The following FAM171A1 variants were observed in gnomAD, a reference collection of about 807,000 sequenced individuals.
FAM171A1 encodes family with sequence similarity 171 member A1.
A neutral mutation model predicts 74.9 loss-of-function variants in FAM171A1; 23 were observed. The ratio of observed to expected loss-of-function variants is 0.31; its 90% CI spans 0.22 to 0.44. FAM171A1 has a LOEUF of 0.44. Ranked by LOEUF, FAM171A1 falls within the 20% of genes least tolerant of loss-of-function variation. The probability of loss-of-function intolerance (pLI) is 1.00; values close to 1 mark genes in which losing one functional copy is unlikely to be tolerated. For missense variants in FAM171A1, 1,162 were observed against 1,159.2 expected (o/e 1.00, Z -0.03); for synonymous variants, 527 against 505.7 (o/e 1.04, Z -0.57).
chr10:15,312,893 CA>C (rs1431162276), intron 1 of FAM171A1, among the ~76,000 whole-genome samples: 1 of 151,656 alleles, frequency 6.6e-6, no homozygotes, highest in Non-Finnish European at 1.5e-5. Context: ...ATGGGTTTCA[CA>C]ATGTTGGCCT....
At position 15,229,690 on chromosome 10, in the gene FAM171A1, C is replaced by A. The variant is rs981349807; in HGVS notation, c.755-8630G>T. The stretch of plus-strand genomic sequence containing the variant: ...ACCCCCATCACCATCATCACCATCA[C>A]CACCATCACCATCATCATCATCACC... On this transcript the variant is annotated intron_variant, in intron 5 of 7. Transcript: ENST00000378116. Among the ~76,000 whole-genome samples the A allele has an allele frequency of 2.4e-5, 3 of 127,100 alleles. 1 individual carries two copies. Among genetic ancestry groups the A allele is most frequent in the Admixed American group, 7.9e-5 (1 of 12,606 alleles). The allele number at this position is 127,100 out of a possible 152,430, so 83.4% of individuals were successfully genotyped here.
intron 7 of FAM171A1, 34 bp from the exon 8 acceptor site, chr10:15,214,635 T>G: frequency 6.6e-7 from 1 of 1,514,608 alleles, no homozygotes; most frequent in East Asian, 2.3e-5. Flanking sequence ...AGCCAAAGAT[T>G]AGTGATTCTC....
intron 1 of FAM171A1, among the ~76,000 whole-genome samples, chr10:15,293,025 C>T (rs552540100): frequency 7.0e-4 from 107 of 152,232 alleles, no homozygotes; most frequent in East Asian, 2.5e-3. Context: ...GCTTTTTATG[C>T]GTGACATTGA....
At chr10:15,332,096 G>A (rs915023399) in intron 1 of FAM171A1, among the ~76,000 whole-genome samples, 3 of 151,406 alleles carry the variant, frequency 2.0e-5, no homozygotes, top group Non-Finnish European at 2.9e-5. Flanking sequence ...GGGATTACAG[G>A]TGGGCACCAC....
At chr10:15,291,362 T>C (rs1835100162) in intron 1 of FAM171A1, among the ~76,000 whole-genome samples, 2 of 152,192 alleles carry the variant, frequency 1.3e-5, no homozygotes, top group African/African-American at 4.8e-5. Context: ...CATGTGAGCA[T>C]ATACACTTGT....
At chr10:15,331,039 G>A (rs928544728) in intron 1 of FAM171A1, among the ~76,000 whole-genome samples, 5 of 152,130 alleles carry the variant, frequency 3.3e-5, no homozygotes, top group Middle Eastern at 3.4e-3. Context: ...ACAGGCGCAC[G>A]CCACCACGCC....
At chr10:15,226,078 G>A (rs1265284479) in intron 5 of FAM171A1, among the ~76,000 whole-genome samples, 1 of 152,186 alleles carries the variant, frequency 6.6e-6, no homozygotes, top group Non-Finnish European at 1.5e-5. Context: ...CAGCTGAGGT[G>A]GCCGCTGGGA....
At chr10:15,372,661 T>C (rs2131900954), upstream of FAM171A1, among the ~76,000 whole-genome samples, 1 of 129,792 alleles carries the variant, frequency 7.7e-6, no homozygotes, top group African/African-American at 2.9e-5. Context: ...ATCGTGCCAC[T>C]GCACTCCAGC....
In FAM171A1 at chr10:15,330,430, G is replaced by C. The variant is rs531586358; in HGVS notation, c.97+40526C>G. The stretch of plus-strand genomic sequence containing the variant: ...TTTGGGAGTCATGGAATAGGTAAAT[G>C]CAAGTAGAAGAGAAAAAGCAGATGT... On this transcript the variant is annotated intron_variant, in intron 1 of 7. Coordinates refer to ENST00000378116, the MANE Select transcript of FAM171A1 (RefSeq NM_001010924.2). Among the ~76,000 whole-genome samples the C allele has an allele frequency of 3.9e-5, 6 of 152,202 alleles. No individual in the cohort carries two copies. In the South Asian group the frequency reaches 6.2e-4, roughly 16 times the overall value.
chr10:15,228,794 C>T (rs1834143437), intron 5 of FAM171A1, among the ~76,000 whole-genome samples: 1 of 152,226 alleles, frequency 6.6e-6, no homozygotes, highest in South Asian at 2.1e-4. Context: ...AAGTCTGCCA[C>T]TTCCTAGTCG....
chr10:15,227,875 C>T (rs1588498770), intron 5 of FAM171A1, among the ~76,000 whole-genome samples: 1 of 152,206 alleles, frequency 6.6e-6, no homozygotes, highest in Non-Finnish European at 1.5e-5. Context: ...GATTATTACA[C>T]ATAACAACTG....
Position 15,212,447 on chromosome 10 carries a change from A to G in FAM171A1, c.*468T>C, listed in dbSNP as rs1221533718. On this transcript the variant is annotated 3_prime_UTR_variant, in exon 8 of 8. Coordinates refer to ENST00000378116, the MANE Select transcript of FAM171A1 (RefSeq NM_001010924.2). ...ATCAGACAACGAAGCAGCGATGCATAGCTTTCCTTTGAGAGAACGCATACC... is the reference window on the plus strand; with the variant it reads ...ATCAGACAACGAAGCAGCGATGCATGGCTTTCCTTTGAGAGAACGCATACC... 6.1e-6 allele frequency: 1 copy of G among 163,388 alleles called. No individual in the cohort carries two copies. The highest frequency in any genetic ancestry group is 2.4e-5 in the African/African-American group (1 of 41,612). The allele number at this position is 163,388 out of a possible 1,614,324, so 10.1% of individuals were successfully genotyped here. A position where few individuals can be genotyped will look rare whatever the true frequency, so the allele number is the denominator to read the frequency against.
intron 1 of FAM171A1, among the ~76,000 whole-genome samples, chr10:15,311,079 C>T (rs572723415): frequency 4.7e-4 from 72 of 152,326 alleles, no homozygotes; most frequent in African/African-American, 1.6e-3. Flanking sequence ...CTTATCCCTG[C>T]TCTTCATGCA....
chr10:15,223,481 G>C (rs1221850420), intron 5 of FAM171A1, among the ~76,000 whole-genome samples: 1 of 152,232 alleles, frequency 6.6e-6, no homozygotes, highest in South Asian at 2.1e-4. Context: ...CAGAGGGTGA[G>C]AGCTGGAAGC....
At chr10:15,303,742 C>T (rs1390594481) in intron 1 of FAM171A1, among the ~76,000 whole-genome samples, 2 of 152,196 alleles carry the variant, frequency 1.3e-5, no homozygotes, top group African/African-American at 4.8e-5. Flanking sequence ...CAATGGGTCA[C>T]AGACGTATAT....
upstream of FAM171A1, among the ~76,000 whole-genome samples, chr10:15,373,563 G>A (rs576157695): frequency 2.0e-5 from 3 of 152,310 alleles, no homozygotes; most frequent in East Asian, 5.8e-4. Flanking sequence ...CCAGTGAAGT[G>A]CAAATCTAGT....
chr10:15,273,542 T>C (rs1172611440), intron 3 of FAM171A1, among the ~76,000 whole-genome samples: 4 of 152,364 alleles, frequency 2.6e-5, no homozygotes, highest in African/African-American at 4.8e-5. Flanking sequence ...ACTCATTTTA[T>C]GAGGCCAGCA....
chr10:15,246,870 G>C (rs866468869), intron 5 of FAM171A1, among the ~76,000 whole-genome samples: 7 of 152,188 alleles, frequency 4.6e-5, no homozygotes, highest in South Asian at 2.1e-4. Flanking sequence ...GGAAGCAAAG[G>C]GGGGTAAGAG....
At chr10:15,347,312 T>C (rs1835827413) in intron 1 of FAM171A1, among the ~76,000 whole-genome samples, 1 of 152,150 alleles carries the variant, frequency 6.6e-6, no homozygotes, top group Non-Finnish European at 1.5e-5. Context: ...AAGTACAAAC[T>C]GGACCTAGGA....
Sources: allele counts gnomAD v4.1 joint callset (sites outside exome capture counted in the v4.1 genomes callset), GRCh38; gene constraint gnomAD v4.1.1; transcripts MANE v1.5; gene names NCBI Gene and HGNC (gene_info 2026-07-23, HGNC 2026-07-21).